Variants in PRTG observed in about 807,000 individuals in gnomAD.
PRTG encodes protogenin.
PRTG carries 67 observed loss-of-function variants against 122.5 expected under a neutral mutation model. The observed-to-expected ratio is 0.55, with a 90% CI of 0.45 to 0.67. PRTG has a LOEUF of 0.67. Among genes scored for constraint, PRTG ranks in the 30% least tolerant of loss-of-function variants. The pLI is 0.00. For missense variants in PRTG, 1,435 were observed against 1,415.4 expected (o/e 1.01, Z -0.22); for synonymous variants, 554 against 501.1 (o/e 1.11, Z -1.41).
chr15:55,640,990 C>G, intron 12 of PRTG, 123 bp downstream of exon 12: 1 of 704,300 alleles, frequency 1.4e-6, no homozygotes, highest in Non-Finnish European at 2.5e-6. Flanking sequence ...CGCTATACAG[C>G]ACAGAGGATA....
intron 2 of PRTG, among the ~76,000 whole-genome samples, chr15:55,738,002 CTATATATATATA>C (rs1178371931): frequency 1.0e-5 from 1 of 96,678 alleles, no homozygotes; most frequent in Non-Finnish European, 2.0e-5. Flanking sequence ...CTCTCTCTCT[CTATATATATATA>C]TATATATATA....
At chr15:55,702,014 G>A (rs1167783820) in intron 2 of PRTG, among the ~76,000 whole-genome samples, 1 of 152,034 alleles carries the variant, frequency 6.6e-6, no homozygotes, top group Non-Finnish European at 1.5e-5. Flanking sequence ...TGTAGTGATG[G>A]TTACACAACT....
chr15:55,623,567 A>T (rs2141711142), intron 18 of PRTG, among the ~76,000 whole-genome samples: 2 of 151,396 alleles, frequency 1.3e-5, no homozygotes, highest in South Asian at 2.1e-4. Context: ...ACTCCATCTT[A>T]AAAAAAAAGT....
intron 18 of PRTG, among the ~76,000 whole-genome samples, chr15:55,622,210 G>A (rs1336679712): frequency 7.4e-6 from 1 of 135,780 alleles, no homozygotes; most frequent in Non-Finnish European, 1.5e-5. Flanking sequence ...TTACATATTA[G>A]TACTTGTTTT....
intron 4 of PRTG, 83 bp downstream of exon 4, chr15:55,682,281 G>A: frequency 8.9e-7 from 1 of 1,122,156 alleles, no homozygotes; most frequent in South Asian, 2.6e-5. Context: ...CTACTTTATG[G>A]CACATTATTA....
At chr15:55,636,664 C>G (rs1344770072) in intron 15 of PRTG, among the ~76,000 whole-genome samples, 3 of 151,778 alleles carry the variant, frequency 2.0e-5, no homozygotes. Flanking sequence ...TTTACCCCCC[C>G]GAGACAGAGT....
chr15:55,637,731 G>C (rs182332091), intron 14 of PRTG, among the ~76,000 whole-genome samples: 2 of 152,056 alleles, frequency 1.3e-5, no homozygotes, highest in East Asian at 3.9e-4. Context: ...CCTGATCTAG[G>C]AGGCCAGTGA....
At chr15:55,657,949 C>T (rs184460351) in intron 11 of PRTG, among the ~76,000 whole-genome samples, 2 of 152,272 alleles carry the variant, frequency 1.3e-5, no homozygotes, top group Admixed American at 1.3e-4. Context: ...TACCATCACA[C>T]GGAGATAAAC....
intron 2 of PRTG, among the ~76,000 whole-genome samples, chr15:55,698,165 T>C (rs1263188760): frequency 2.0e-5 from 3 of 152,192 alleles, no homozygotes; most frequent in African/African-American, 7.2e-5. Context: ...CTCTCATTAC[T>C]AGTTTCCTCA....
At chr15:55,734,594 T>C (rs533312792) in intron 2 of PRTG, among the ~76,000 whole-genome samples, 1 of 151,414 alleles carries the variant, frequency 6.6e-6, no homozygotes, top group South Asian at 2.1e-4. Flanking sequence ...ATTTTATATA[T>C]ATATATAACA....
intron 2 of PRTG, among the ~76,000 whole-genome samples, chr15:55,685,028 G>T (rs1486048609): frequency 6.6e-6 from 1 of 152,086 alleles, no homozygotes; most frequent in African/African-American, 2.4e-5. Flanking sequence ...TAAATTCCAG[G>T]TTTCCCTTCC....
rs775482784 is a variant in PRTG at position 55,624,330 on chromosome 15, G to A, written c.3093+12C>T. ...AAGAACGGCTTATGCAGCAAATCCC[G>A]CAGCTCAGTACCTTTGCATCAATGA... On this transcript the variant is annotated intron_variant, in intron 18 of 19. Coordinates refer to ENST00000389286, the MANE Select transcript of PRTG (RefSeq NM_173814.6). 9 of 1,610,178 alleles carry A rather than the reference G, an allele frequency of 5.6e-6. No homozygotes were observed. Among genetic ancestry groups the A allele is most frequent in the African/African-American group, 5.3e-5 (4 of 74,772 alleles).
intron 15 of PRTG, among the ~76,000 whole-genome samples, chr15:55,635,493 T>C (rs868174068): frequency 2.6e-5 from 4 of 152,190 alleles, no homozygotes; most frequent in African/African-American, 9.7e-5. Context: ...CAGTCCAAAT[T>C]GTTGACTCAA....
chr15:55,732,517 G>A (rs1224296450), intron 2 of PRTG, among the ~76,000 whole-genome samples: 12 of 129,130 alleles, frequency 9.3e-5, no homozygotes, highest in Admixed American at 2.7e-4. Flanking sequence ...TTTTTGAGAC[G>A]GAGTTTCGCT....
At position 55,616,002 on chromosome 15, in the gene PRTG, T is replaced by C. The variant is rs1275477499; in HGVS notation, c.*4010A>G. ...GACAAACTGATGCAAACCTCTGTCA[T>C]TGTTCCCAATGTTGGCATTGCTCGT... On this transcript the variant is annotated 3_prime_UTR_variant, in exon 20 of 20. Coordinates refer to ENST00000389286, the MANE Select transcript of PRTG (RefSeq NM_173814.6). 2.0e-5 allele frequency: 3 copies of C among 152,042 alleles called. No individual in the cohort carries two copies. Among genetic ancestry groups the C allele is most frequent in the Admixed American group, 6.6e-5 (1 of 15,256 alleles). The allele number at this position is 152,042 out of a possible 1,614,324, so 9.4% of individuals were successfully genotyped here. A position where few individuals can be genotyped will look rare whatever the true frequency, so the allele number is the denominator to read the frequency against.
intron 2 of PRTG, among the ~76,000 whole-genome samples, chr15:55,736,227 C>CTA (rs1466896498): frequency 3.3e-5 from 5 of 152,120 alleles, no homozygotes; most frequent in African/African-American, 1.2e-4. Context: ...AGGTAAGAGA[C>CTA]TCAGTCCTTT....
chr15:55,644,727 T>C (rs931600438), intron 11 of PRTG, among the ~76,000 whole-genome samples: 3 of 151,998 alleles, frequency 2.0e-5, no homozygotes, highest in African/African-American at 7.2e-5. Context: ...CTTCCCATGT[T>C]ATATCAGGCG....
chr15:55,706,230 T>C (rs988107009), intron 2 of PRTG, among the ~76,000 whole-genome samples: 4 of 151,704 alleles, frequency 2.6e-5, no homozygotes, highest in African/African-American at 7.3e-5. Context: ...TCCATAAAAG[T>C]AGAACCCACA....
At chr15:55,740,030 TTAC>T (rs1271408952) in intron 2 of PRTG, among the ~76,000 whole-genome samples, 1 of 152,224 alleles carries the variant, frequency 6.6e-6, no homozygotes, top group Non-Finnish European at 1.5e-5. Context: ...TTTTCATTAA[TTAC>T]TAATTTCCAT....
Sources: gnomAD v4.1 joint callset for allele counts (sites outside exome capture counted in the v4.1 genomes callset) on GRCh38, gnomAD v4.1.1 for gene constraint, MANE v1.5 for transcripts, NCBI Gene and HGNC (gene_info 2026-07-23, HGNC 2026-07-21) for gene names.